The following TOLLIP variants were observed in gnomAD, a reference collection of about 807,000 sequenced individuals.
TOLLIP encodes toll-interacting protein.
Under a neutral mutation model 33.5 loss-of-function variants are expected in TOLLIP, and 16 were observed. That is an observed-to-expected ratio of 0.48 (90% CI 0.32 to 0.72). The LOEUF (loss-of-function observed/expected upper bound fraction) is 0.72, where lower values mean the gene tolerates loss of function less well. Among genes scored for constraint, TOLLIP ranks in the 30% least tolerant of loss-of-function variants. The pLI, the probability that TOLLIP is intolerant of heterozygous loss-of-function variation, is 0.03. For missense variants in TOLLIP, 325 were observed against 396.6 expected, an observed-to-expected ratio of 0.82 and a Z score of 1.53; for synonymous variants, 176 against 163.7, an observed-to-expected ratio of 1.07 and a Z score of -0.57.
intron 4 of TOLLIP, among the ~76,000 whole-genome samples, chr11:1,286,710 A>G (rs1863709642): frequency 1.3e-5 from 2 of 150,818 alleles, no homozygotes; most frequent in Non-Finnish European, 1.5e-5. Context: ...AAAACTGTCC[A>G]CTGTGGATAA....
At chr11:1,291,493 C>G (rs1239323650) in intron 2 of TOLLIP, among the ~76,000 whole-genome samples, 1 of 151,480 alleles carries the variant, frequency 6.6e-6, no homozygotes, top group Non-Finnish European at 1.5e-5. Context: ...CACCAACCCC[C>G]CTCTGAGAGT....
chr11:1,277,207 G>A lies in TOLLIP; in HGVS notation c.657C>T (p.Pro219=). The change falls in exon 6 of 6, where the codon CCC becomes CCT. Residue 219 remains proline, a synonymous_variant. Coordinates refer to ENST00000317204, the MANE Select transcript of TOLLIP (RefSeq NM_019009.4). This position sits in a 1 kb window ranked among gnomAD's most constrained non-coding sequence, Gnocchi z 4.2. ...GGGGCTGGGCGTTCACGGCGGCCGG[G>A]GGCAGGGCCACGGGCACCATGCCGG... ...CSPGMVPVAL[P]PAAVNAQPRC... 2 of 1,595,032 alleles carry A rather than the reference G, an allele frequency of 1.3e-6. No homozygotes were observed. Among genetic ancestry groups the A allele is most frequent in the Non-Finnish European group, 1.7e-6 (2 of 1,165,988 alleles).
Position 1,275,868 on chromosome 11 carries a change from G to A in TOLLIP, c.*1171C>T, listed in dbSNP as rs935264954. On this transcript the variant is annotated 3_prime_UTR_variant, in exon 6 of 6. Coordinates refer to ENST00000317204, the MANE Select transcript of TOLLIP (RefSeq NM_019009.4). The stretch of plus-strand genomic sequence containing the variant: ...AGTGGGTTTACATCCGAAGGCCGGC[G>A]GCAAGACACTTGAACCACAAACACC... The A allele has an allele frequency of 6.6e-6, 1 of 152,158 alleles. No individual in the cohort carries two copies. Among genetic ancestry groups the A allele is most frequent in the East Asian group, 1.9e-4 (1 of 5,192 alleles). The allele number at this position is 152,158 out of a possible 1,614,324, so 9.4% of individuals were successfully genotyped here. A position where few individuals can be genotyped will look rare whatever the true frequency, so the allele number is the denominator to read the frequency against.
rs775788200 is a variant in TOLLIP at position 1,303,535 on chromosome 11, G to A, written c.33+5931C>T. Among the ~76,000 whole-genome samples, 63 of 152,252 alleles carry A rather than the reference G, an allele frequency of 4.1e-4. No individual in the cohort carries two copies. The highest frequency in any genetic ancestry group is 7.6e-4 in the Non-Finnish European group (52 of 68,042). On this transcript the variant is annotated intron_variant, in intron 1 of 5. Coordinates refer to ENST00000317204, the MANE Select transcript of TOLLIP (RefSeq NM_019009.4). This position sits in a 1 kb window ranked among gnomAD's most constrained non-coding sequence, Gnocchi z 4.2. ...GTTATGCTGTATGCTAACGGCAGGA[G>A]GCGCTGTGCAAAGAAACAGGGCAAG...
intron 5 of TOLLIP, among the ~76,000 whole-genome samples, chr11:1,285,130 C>T (rs991799484): frequency 6.6e-6 from 1 of 152,182 alleles, no homozygotes; most frequent in Admixed American, 6.5e-5. Flanking sequence ...CATGCAGCCC[C>T]GAGACCCTCC....
rs1863307329 is a variant in TOLLIP at position 1,276,523 on chromosome 11, C to A, written c.*516G>T. ...CAGGAAGCTGCTCAGCTCACCAGAC[C>A]CAAGCCCTGGGCAGGGGCCAGGCTC... On this transcript the variant is annotated 3_prime_UTR_variant, in exon 6 of 6. Transcript: ENST00000317204. The A allele has an allele frequency of 1.5e-5, 8 of 529,542 alleles. No homozygotes were observed. The Admixed American group carries it at 2.6e-4, about 17-fold the overall frequency. 32.8% of individuals were successfully genotyped at this position (529,542 alleles called of 1,614,324 possible).
rs774633513 is a variant in TOLLIP at position 1,288,627 on chromosome 11, G to A, written c.516C>T (p.Tyr172=). The A allele has an allele frequency of 3.0e-5, 48 of 1,611,532 alleles. No individual in the cohort carries two copies. Among genetic ancestry groups the A allele is most frequent in the Middle Eastern group, 3.3e-4 (2 of 6,066 alleles). The change falls in exon 4 of 6, where the codon TAC becomes TAT. Residue 172 remains tyrosine (Y), a synonymous_variant. Transcript: ENST00000317204. ...CCCGCCCAGGCGTGCAGCTCACCGC[G>A]TAGGACATGACGAGGTTGATCATGC... ...KEGMINLVMS[Y]ALLPAAMVMP... is the part of the protein sequence containing the mutation.
intron 5 of TOLLIP, among the ~76,000 whole-genome samples, chr11:1,283,996 G>C (rs1266875061): frequency 6.6e-6 from 1 of 152,226 alleles, no homozygotes; most frequent in Non-Finnish European, 1.5e-5. Flanking sequence ...CTAGCCCCAT[G>C]AACTGCACAT....
At chr11:1,286,735 G>T (rs902223625) in intron 4 of TOLLIP, among the ~76,000 whole-genome samples, 1 of 150,714 alleles carries the variant, frequency 6.6e-6, no homozygotes, top group Non-Finnish European at 1.5e-5. Flanking sequence ...CTGCACTGCT[G>T]TCTCCTGAGT....
intron 1 of TOLLIP, among the ~76,000 whole-genome samples, chr11:1,299,381 G>A (rs1864200934): frequency 6.6e-6 from 1 of 152,178 alleles, no homozygotes; most frequent in South Asian, 2.1e-4. Flanking sequence ...AACGAGGAGG[G>A]AGTGCTACCA....
intron 2 of TOLLIP, 47 bp downstream of exon 2, chr11:1,295,598 C>A: frequency 1.4e-6 from 2 of 1,455,802 alleles, no homozygotes; most frequent in Non-Finnish European, 1.8e-6. Context: ...CCCACCCCCA[C>A]CGAGCGCACC....
Position 1,290,501 on chromosome 11 carries a change from A to G in TOLLIP, c.184-92T>C. ...GTCTGCCTCCCTGAACCCTTCCACG[A>G]GGCCTTTTCCTAACACATAGACTAC... On this transcript the variant is annotated intron_variant, in intron 2 of 5. Coordinates refer to ENST00000317204, the MANE Select transcript of TOLLIP (RefSeq NM_019009.4). This position sits in a 1 kb window ranked among gnomAD's most constrained non-coding sequence, Gnocchi z 4.9. 7.9e-7 allele frequency: 1 copy of G among 1,258,590 alleles called. No individual in the cohort carries two copies. Among genetic ancestry groups the G allele is most frequent in the Non-Finnish European group, 1.1e-6 (1 of 892,716 alleles). 78.0% of individuals were successfully genotyped at this position (1,258,590 alleles called of 1,614,324 possible). A position where few individuals can be genotyped will look rare whatever the true frequency, so the allele number is the denominator to read the frequency against.
chr11:1,299,356 G>A (rs1316737125), intron 1 of TOLLIP, among the ~76,000 whole-genome samples: 5 of 152,144 alleles, frequency 3.3e-5, no homozygotes, highest in Admixed American at 6.5e-5. Context: ...TCTCAACTTA[G>A]AGCAAAGCCC....
In TOLLIP at chr11:1,290,114, G is replaced by A; in HGVS notation, c.366+113C>T. ...CATGCACCCAATGAAACACCAGGTG[G>A]GGAGCCACGCCTCGAAGCCAGCCAG... On this transcript the variant is annotated intron_variant, in intron 3 of 5. Transcript: ENST00000317204. This position sits in a 1 kb window ranked among gnomAD's most constrained non-coding sequence, Gnocchi z 4.9. 9.6e-7 allele frequency: 1 copy of A among 1,042,116 alleles called. No individual in the cohort carries two copies. The highest frequency in any genetic ancestry group is 1.5e-5 in the South Asian group (1 of 65,524). 64.6% of individuals were successfully genotyped at this position (1,042,116 alleles called of 1,614,324 possible). A position where few individuals can be genotyped will look rare whatever the true frequency, so the allele number is the denominator to read the frequency against.
intron 2 of TOLLIP, among the ~76,000 whole-genome samples, chr11:1,295,140 G>A (rs1315209087): frequency 6.6e-6 from 1 of 152,120 alleles, no homozygotes; most frequent in Non-Finnish European, 1.5e-5. Context: ...GACGGTTTTC[G>A]TGTGATCAAA....
At chr11:1,285,280 C>T (rs5743983) in intron 5 of TOLLIP, among the ~76,000 whole-genome samples, 6,287 of 152,328 alleles carry the variant, frequency 0.041, 140 homozygotes, top group Middle Eastern at 0.11. Context: ...CTCCCCAGAA[C>T]GAGAGAGGCC....
intron 4 of TOLLIP, among the ~76,000 whole-genome samples, chr11:1,288,385 A>C (rs1309605292): frequency 6.6e-6 from 1 of 152,210 alleles, no homozygotes; most frequent in Non-Finnish European, 1.5e-5. Context: ...TTAGGAACAC[A>C]AACAACCCCT....
intron 4 of TOLLIP, 85 bp downstream of exon 4, chr11:1,288,539 G>A: frequency 1.4e-6 from 2 of 1,471,156 alleles, no homozygotes; most frequent in Non-Finnish European, 1.8e-6. Context: ...CCAGGAAAGA[G>A]ACAAGGGTGT....
chr11:1,290,241 C>T lies in TOLLIP; in HGVS notation c.352G>A (p.Glu118Lys), dbSNP rs757468926. Residue 118 changes from glutamate (E) to lysine (K), a missense_variant, in exon 3 of 6, where the codon GAG (glutamate) becomes AAG (lysine). Coordinates refer to ENST00000317204, the MANE Select transcript of TOLLIP (RefSeq NM_019009.4). This position sits in a 1 kb window ranked among gnomAD's most constrained non-coding sequence, Gnocchi z 4.9. ...GTCCCTCTCACCTCATCGAAGATCT[C>T]GAGATAGAAAGAGTCCACGCCTGGG... is the stretch of plus-strand genomic sequence containing the variant. ...VPPGVDSFYL[E>K]IFDERAFSMD... 6.2e-7 allele frequency: 1 copy of T among 1,613,214 alleles called. No individual in the cohort carries two copies. The highest frequency in any genetic ancestry group is 8.5e-7 in the Non-Finnish European group (1 of 1,179,878).
Sources: gnomAD v4.1 joint callset for allele counts (sites outside exome capture counted in the v4.1 genomes callset) on GRCh38, gnomAD v4.1.1 for gene constraint, Gnocchi (gnomAD v3.1) non-coding constraint, MANE v1.5 for transcripts, NCBI Gene and HGNC (gene_info 2026-07-23, HGNC 2026-07-21) for gene names.